MKNK1: variants seen among roughly 807,000 people sequenced by gnomAD.
MKNK1 encodes MAPK interacting serine/threonine kinase 1.
A neutral mutation model predicts 49.3 loss-of-function variants in MKNK1; 30 were observed. The observed-to-expected ratio is 0.61, with a 90% CI of 0.46 to 0.83. The LOEUF (loss-of-function observed/expected upper bound fraction) is 0.83, where lower values mean the gene tolerates loss of function less well. Ranked by LOEUF, MKNK1 falls within the 40% of genes least tolerant of loss-of-function variation. The pLI, the probability that MKNK1 is intolerant of heterozygous loss-of-function variation, is 0.00. For synonymous variants in MKNK1, 176 were observed against 201.7 expected (o/e 0.87, Z 1.08); for missense variants, 423 against 524.7 (o/e 0.81, Z 1.89).
chr1:46,586,121 T>A, intron 2 of MKNK1: 1 of 368,378 alleles, frequency 2.7e-6, no homozygotes, highest in Non-Finnish European at 5.4e-6. Context: ...ACTATTTTCA[T>A]CACAGAGTCC....
chr1:46,583,850 AG>A (rs35898953), intron 2 of MKNK1, among the ~76,000 whole-genome samples: 6,296 of 152,240 alleles, frequency 0.041, 165 homozygotes, highest in African/African-American at 0.079. Context: ...AGGTAGCAAT[AG>A]GGCTGGGGTT....
At position 46,558,618 on chromosome 1, in the gene MKNK1, T is replaced by TGGGCCAGGGCCCGTCTCC. The variant is rs1553193167; in HGVS notation, c.1178_1195dup (p.Arg393_Ala398dup). On this transcript the variant is annotated inframe_insertion, in exon 13 of 13. Coordinates refer to ENST00000371945, the MANE Select transcript of MKNK1 (RefSeq NM_001135553.4). ...GCTCCTGTCTTCACCACGGCCTGCC[T>TGGGCCAGGGCCCGTCTCC]GGGCCAGGGCCCGTCTCCGGGCCAG... is the stretch of plus-strand genomic sequence containing the variant. 6.8e-6 allele frequency: 11 copies of TGGGCCAGGGCCCGTCTCC among 1,613,794 alleles called. No homozygotes were observed. The highest frequency in any genetic ancestry group is 8.5e-6 in the Non-Finnish European group (10 of 1,179,892).
chr1:46,568,433 C>A lies in MKNK1; in HGVS notation c.513+10G>T. Reference sequence around the variant, plus strand: ...ATAAACTATAACATTCCAAATCAGGCCCAAAGTACCTTTTCTGGAGATTCA... The same window carrying A: ...ATAAACTATAACATTCCAAATCAGGACCAAAGTACCTTTTCTGGAGATTCA... On this transcript the variant is annotated intron_variant, in intron 8 of 12. Transcript: ENST00000371945. 6.2e-7 allele frequency: 1 copy of A among 1,613,550 alleles called. No homozygotes were observed.
chr1:46,574,955 A>C lies in MKNK1; in HGVS notation c.344T>G (p.Leu115Trp), dbSNP rs139305876. 11 of 1,611,682 alleles carry C rather than the reference A, an allele frequency of 6.8e-6. No individual in the cohort carries two copies. Among genetic ancestry groups the C allele is most frequent in the Non-Finnish European group, 8.5e-6 (10 of 1,178,092 alleles). Residue 115 changes from leucine to tryptophan, a missense_variant, in exon 6 of 13, where the codon TTG becomes TGG. Leu to Trp is a moderately conservative substitution (Grantham distance 61). Transcript: ENST00000371945. ...DTRFYLVFEK[L>W]QGGSILAHIQ... ...TACTCAACGGTAAGTACCTCCTTGC[A>C]ATTTCTCAAAGACCAAGTAAAACCT... is the stretch of plus-strand genomic sequence containing the variant.
At chr1:46,572,355 G>C (rs1278269540) in intron 6 of MKNK1, 188 bp from the exon 7 acceptor site, 3 of 452,502 alleles carry the variant, frequency 6.6e-6, no homozygotes, top group East Asian at 4.0e-5. Context: ...TGGGATTACA[G>C]GCAGGCACCA....
rs1481028635 is a variant in MKNK1, at chr1:46,589,687, T to C, written c.-3+4426A>G. Among the ~76,000 whole-genome samples the C allele has an allele frequency of 1.3e-5, 2 of 152,036 alleles. No homozygotes were observed. Among genetic ancestry groups the C allele is most frequent in the African/African-American group, 2.4e-5 (1 of 41,392 alleles). ...ATTTACAGAGAACTCATAGAGCAGA[T>C]GAGGAAGGGTTATGGAGGCTCCCTA... On this transcript the variant is annotated intron_variant, in intron 2 of 12. Transcript: ENST00000371945. The surrounding 1 kb of genome is among the most constrained non-coding windows in gnomAD (Gnocchi z 4.3).
chr1:46,559,079 A>C (rs1667465960), intron 12 of MKNK1, among the ~76,000 whole-genome samples: 1 of 152,132 alleles, frequency 6.6e-6, no homozygotes, highest in South Asian at 2.1e-4. Context: ...CCACAACTCT[A>C]CATACAGGTC....
Position 46,586,053 on chromosome 1 carries a change from A to G in MKNK1, c.-2-2724T>C, listed in dbSNP as rs186883939. 74 of 608,712 alleles carry G rather than the reference A, an allele frequency of 1.2e-4. 1 individual carries two copies. The East Asian group carries it at 4.5e-3, about 37-fold the overall frequency. The allele number at this position is 608,712 out of a possible 1,614,324, so 37.7% of individuals were successfully genotyped here. ...TTCCCTGGTTACACAGGGGGAAGCG[A>G]GAGGTGTCATAATCTCACCAAGGGG... On this transcript the variant is annotated intron_variant, in intron 2 of 12. Transcript: ENST00000371945.
At chr1:46,571,624 G>A in intron 7 of MKNK1, 1 of 356,498 alleles carries the variant, frequency 2.8e-6, no homozygotes, top group Non-Finnish European at 5.5e-6. Flanking sequence ...ATCCTATCAT[G>A]CCAATTTTGA....
rs781003456 is a variant in MKNK1 at position 46,576,598 on chromosome 1, C to T, written c.255G>A (p.Thr85=). 14 of 1,613,806 alleles carry T rather than the reference C, an allele frequency of 8.7e-6. No homozygotes were observed. The highest frequency in any genetic ancestry group is 3.3e-5 in the Admixed American group (2 of 59,986). The change falls in exon 5 of 13, where the codon ACG becomes ACA. Residue 85 remains threonine (T), a synonymous_variant. Transcript: ENST00000371945. The part of the protein sequence containing the change: ...SRSRVFREVE[T]LYQCQGNKNI... ...ACTTGTTTCCCTGACACTGATACAG[C>T]GTCTCCACCTCTCGAAACACCCTAC...
intron 1 of MKNK1, among the ~76,000 whole-genome samples, chr1:46,601,170 G>A (rs1011983730): frequency 1.3e-5 from 2 of 152,182 alleles, no homozygotes; most frequent in African/African-American, 2.4e-5. Context: ...ACCTGCCTCG[G>A]CCTCCCAAAG....
chr1:46,559,959 T>C (rs1430898532), intron 12 of MKNK1: 2 of 554,488 alleles, frequency 3.6e-6, no homozygotes, highest in Admixed American at 3.1e-5. Context: ...GGGCTGTAAG[T>C]TACAGTTCAA....
Position 46,574,864 on chromosome 1 carries a change from T to C in MKNK1, c.352+83A>G, listed in dbSNP as rs572827184. 20 of 937,938 alleles carry C rather than the reference T, an allele frequency of 2.1e-5. No homozygotes were observed. In the East Asian group the frequency reaches 4.8e-4, roughly 23 times the overall value. The allele number at this position is 937,938 out of a possible 1,614,324, so 58.1% of individuals were successfully genotyped here. A position where few individuals can be genotyped will look rare whatever the true frequency, so the allele number is the denominator to read the frequency against. Reference sequence around the variant, plus strand: ...ATCCTTTTTATTAGCTTGACTCGTTTTGGAAGTCTCTGGGATTCATGATGG... The same window carrying C: ...ATCCTTTTTATTAGCTTGACTCGTTCTGGAAGTCTCTGGGATTCATGATGG... On this transcript the variant is annotated intron_variant, in intron 6 of 12. Transcript: ENST00000371945.
chr1:46,561,361 C>T, intron 11 of MKNK1, 117 bp downstream of exon 11: 1 of 1,186,354 alleles, frequency 8.4e-7, no homozygotes, highest in Non-Finnish European at 1.2e-6. Context: ...AGACGCTGTC[C>T]TCTTCAGCTG....
intron 3 of MKNK1, among the ~76,000 whole-genome samples, chr1:46,582,543 C>T (rs537707737): frequency 5.9e-5 from 9 of 152,288 alleles, no homozygotes; most frequent in Admixed American, 4.6e-4. Flanking sequence ...GACCTCACAA[C>T]GAAAGAAAAC....
At position 46,557,856 on chromosome 1, in the gene MKNK1, T is replaced by C. The variant is rs551931422; in HGVS notation, c.*719A>G. On this transcript the variant is annotated 3_prime_UTR_variant, in exon 13 of 13. Coordinates refer to ENST00000371945, the MANE Select transcript of MKNK1 (RefSeq NM_001135553.4). ...GCAGTGGGAGTTTAAGGTATCATCT[T>C]TGCTGGAACAGCATGGTTAAAAACA... 3.3e-5 allele frequency: 5 copies of C among 152,406 alleles called. No homozygotes were observed. The highest frequency in any genetic ancestry group is 4.1e-4 in the South Asian group (2 of 4,830). 9.4% of individuals were successfully genotyped at this position (152,406 alleles called of 1,614,324 possible).
chr1:46,558,952 C>G, intron 12 of MKNK1, 152 bp from the exon 13 acceptor site: 1 of 660,440 alleles, frequency 1.5e-6, no homozygotes, highest in South Asian at 1.9e-5. Flanking sequence ...GTAGTTCTTG[C>G]CTAGGTTTGG....
rs1673079325 is a variant in MKNK1, at chr1:46,589,683, C to A, written c.-3+4430G>T. ...GGAGATTTACAGAGAACTCATAGAG[C>A]AGATGAGGAAGGGTTATGGAGGCTC... On this transcript the variant is annotated intron_variant, in intron 2 of 12. Coordinates refer to ENST00000371945, the MANE Select transcript of MKNK1 (RefSeq NM_001135553.4). The surrounding 1 kb of genome is among the most constrained non-coding windows in gnomAD (Gnocchi z 4.3). Among the ~76,000 whole-genome samples, 1 of 152,070 alleles carries A rather than the reference C, an allele frequency of 6.6e-6. No individual in the cohort carries two copies. Among genetic ancestry groups the A allele is most frequent in the South Asian group, 2.1e-4 (1 of 4,824 alleles).
chr1:46,563,861 T>C (rs1225250004), intron 9 of MKNK1, among the ~76,000 whole-genome samples: 5 of 151,098 alleles, frequency 3.3e-5, no homozygotes, highest in African/African-American at 9.7e-5. Flanking sequence ...CTGGCTAACA[T>C]GGTGAAACCC....
Sources: gnomAD v4.1 joint callset for allele counts (sites outside exome capture counted in the v4.1 genomes callset) on GRCh38, gnomAD v4.1.1 for gene constraint, Gnocchi (gnomAD v3.1) non-coding constraint, MANE v1.5 for transcripts, NCBI Gene and HGNC (gene_info 2026-07-23, HGNC 2026-07-21) for gene names.